Variants in IGF2R observed in about 807,000 individuals in gnomAD.
IGF2R encodes insulin like growth factor 2 receptor.
Under a neutral mutation model 270.6 loss-of-function variants are expected in IGF2R, and 91 were observed. That is an observed-to-expected ratio of 0.34 (90% CI 0.28 to 0.40). The LOEUF (loss-of-function observed/expected upper bound fraction) is 0.40. Among genes scored for constraint, IGF2R ranks in the 10% least tolerant of loss-of-function variants. The probability of loss-of-function intolerance (pLI) is 1.00; values close to 1 mark genes in which losing one functional copy is unlikely to be tolerated. For missense variants in IGF2R, 2,805 were observed against 3,188.3 expected (o/e 0.88, Z 2.90); for synonymous variants, 1,316 against 1,258.9 (o/e 1.05, Z -0.96).
intron 2 of IGF2R, among the ~76,000 whole-genome samples, chr6:160,002,868 A>T (rs1583252172): frequency 1.3e-5 from 2 of 152,302 alleles, no homozygotes; most frequent in African/African-American, 4.8e-5. Context: ...TACCAAATAC[A>T]TTCACATTTT....
chr6:159,969,439 G>A, intron 1 of IGF2R, 44 bp downstream of exon 1: 1 of 1,183,542 alleles, frequency 8.4e-7, no homozygotes, highest in Non-Finnish European at 1.0e-6. Flanking sequence ...CGGTGCCCGG[G>A]GTGAGCGGCC....
chr6:160,057,249 T>C (rs532315219), intron 20 of IGF2R, among the ~76,000 whole-genome samples: 8 of 152,320 alleles, frequency 5.3e-5, no homozygotes, highest in Non-Finnish European at 7.4e-5. Flanking sequence ...TGCCCTCCAC[T>C]TGTTGAGTGC....
Position 160,111,474 on chromosome 6 carries a change from A to G in IGF2R, c.*6390A>G, listed in dbSNP as rs1779737423. ...ACTTTTTCTGTATTTTATTGTAAGA[A>G]TACAGTATATAATACATACAACATC... On this transcript the variant is annotated 3_prime_UTR_variant, in exon 48 of 48. Transcript: ENST00000356956. 6.6e-6 allele frequency: 1 copy of G among 152,258 alleles called. No individual in the cohort carries two copies. The allele number at this position is 152,258 out of a possible 1,614,324, so 9.4% of individuals were successfully genotyped here.
chr6:160,064,620 C>T lies in IGF2R; in HGVS notation c.4017+89C>T, dbSNP rs1778522205. ...TTAGAAAGAATCTGTCCTCAGATCT[C>T]ATCAAATCTCCTGGTTAACTGAGTT... On this transcript the variant is annotated intron_variant, in intron 28 of 47. Coordinates refer to ENST00000356956, the MANE Select transcript of IGF2R (RefSeq NM_000876.4). The T allele has an allele frequency of 1.3e-5, 19 of 1,417,638 alleles. No homozygotes were observed. In the Admixed American group the frequency reaches 1.7e-4, roughly 13 times the overall value. 87.8% of individuals were successfully genotyped at this position (1,417,638 alleles called of 1,614,324 possible). A position where few individuals can be genotyped will look rare whatever the true frequency, so the allele number is the denominator to read the frequency against.
At position 160,102,357 on chromosome 6, in the gene IGF2R, T is replaced by C. The variant is rs2114743754; in HGVS notation, c.6843-162T>C. 6.6e-6 allele frequency among the ~76,000 whole-genome samples: 1 copy of C among 152,300 alleles called. No individual in the cohort carries two copies. The highest frequency in any genetic ancestry group is 1.5e-5 in the Non-Finnish European group (1 of 68,032). On this transcript the variant is annotated intron_variant, in intron 45 of 47. Coordinates refer to ENST00000356956, the MANE Select transcript of IGF2R (RefSeq NM_000876.4). This position sits in a 1 kb window ranked among gnomAD's most constrained non-coding sequence, Gnocchi z 4.5. ...AGGAACTTTTTGCAGCCCTCTTCCA[T>C]GTGGAGTGGGACTTGTGGCCTTGTT...
intron 4 of IGF2R, among the ~76,000 whole-genome samples, chr6:160,023,974 C>T (rs1219835497): frequency 6.6e-6 from 1 of 152,082 alleles, no homozygotes; most frequent in Non-Finnish European, 1.5e-5. Context: ...TGGATGCAAG[C>T]CACAGGAGAA....
intron 2 of IGF2R, among the ~76,000 whole-genome samples, chr6:159,992,324 C>T (rs1296353639): frequency 1.3e-5 from 2 of 152,054 alleles, no homozygotes; most frequent in African/African-American, 2.4e-5. Context: ...ACCCGTCACC[C>T]GAATAGTGTA....
At chr6:160,073,528 C>A in intron 34 of IGF2R, 59 bp downstream of exon 34, 1 of 1,583,790 alleles carries the variant, frequency 6.3e-7, no homozygotes, top group South Asian at 1.2e-5. Flanking sequence ...GCACCCGGGC[C>A]CCTTCGTCAG....
intron 19 of IGF2R, among the ~76,000 whole-genome samples, chr6:160,053,533 A>T (rs182586319): frequency 6.6e-6 from 1 of 152,072 alleles, no homozygotes; most frequent in Admixed American, 6.5e-5. Context: ...GACTGTGTGG[A>T]GTTTGCTCTG....
chr6:160,103,252 T>C (rs1779530117), intron 46 of IGF2R, among the ~76,000 whole-genome samples: 1 of 149,868 alleles, frequency 6.7e-6, no homozygotes, highest in Non-Finnish European at 1.5e-5. Context: ...GTACCAACCA[T>C]GGAGGTTGCA....
At chr6:160,059,616 C>G (rs1778390368) in intron 22 of IGF2R, among the ~76,000 whole-genome samples, 1 of 152,232 alleles carries the variant, frequency 6.6e-6, no homozygotes. Context: ...CACATCATAT[C>G]ACTTCCCAGC....
intron 16 of IGF2R, 101 bp from the exon 17 acceptor site, chr6:160,047,691 T>C: frequency 2.5e-6 from 2 of 788,610 alleles, no homozygotes; most frequent in South Asian, 2.9e-5. Flanking sequence ...TTCTTCACAG[T>C]TTCTCATTGG....
Position 160,000,728 on chromosome 6 carries a change from GTTTTTTT to G in IGF2R, c.290-8263_290-8257del, listed in dbSNP as rs59215791. 1.3e-3 allele frequency among the ~76,000 whole-genome samples: 89 copies of G among 69,962 alleles called. 2 individuals carry two copies. The highest frequency in any genetic ancestry group is 4.6e-3 in the African/African-American group (77 of 16,728). The allele number at this position is 69,962 out of a possible 152,430, so 45.9% of individuals were successfully genotyped here. On this transcript the variant is annotated intron_variant, in intron 2 of 47. Coordinates refer to ENST00000356956, the MANE Select transcript of IGF2R (RefSeq NM_000876.4). ...GGAAGATAATAGTTGGTGTGAGGTT[GTTTTTTT>G]TTTTTTTTTTTTTTTTTTGAGACAG...
chr6:160,045,714 A>G (rs1315075725), intron 13 of IGF2R, 31 bp from the exon 14 acceptor site: 2 of 1,613,080 alleles, frequency 1.2e-6, no homozygotes, highest in African/African-American at 2.7e-5. Context: ...TGAACGGATT[A>G]GTGATCCCCA....
chr6:160,053,859 A>G (rs914276060), intron 19 of IGF2R, among the ~76,000 whole-genome samples: 3 of 152,058 alleles, frequency 2.0e-5, no homozygotes, highest in Admixed American at 6.6e-5. Context: ...CTACAGGTGG[A>G]GTTACCTGTA....
intron 41 of IGF2R, among the ~76,000 whole-genome samples, chr6:160,086,433 A>G (rs2114727290): frequency 6.6e-6 from 1 of 152,240 alleles, no homozygotes; most frequent in East Asian, 1.9e-4. Flanking sequence ...TGGGAGGTAG[A>G]CTTTTTGTTT....
At chr6:160,071,581 T>C (rs2297359) in intron 31 of IGF2R, among the ~76,000 whole-genome samples, 6,838 of 152,276 alleles carry the variant, frequency 0.045, 277 homozygotes, top group African/African-American at 0.098. Context: ...TTTACACATT[T>C]GTGTCTCCCT....
At chr6:160,104,598 C>T (rs1779569941) in intron 47 of IGF2R, 76 bp from the exon 48 acceptor site, 1 of 1,479,394 alleles carries the variant, frequency 6.8e-7, no homozygotes, top group African/African-American at 1.4e-5. Flanking sequence ...AGAGAGCATC[C>T]CTGATGTGGT....
chr6:160,010,851 C>A, intron 4 of IGF2R, 66 bp downstream of exon 4: 1 of 929,818 alleles, frequency 1.1e-6, no homozygotes, highest in Non-Finnish European at 1.7e-6. Flanking sequence ...CTTTCAAATA[C>A]TGATTCTAAC....
Sources: allele counts gnomAD v4.1 joint callset (sites outside exome capture counted in the v4.1 genomes callset), GRCh38; gene constraint gnomAD v4.1.1; non-coding constraint Gnocchi (gnomAD v3.1); transcripts MANE v1.5; gene names NCBI Gene and HGNC (gene_info 2026-07-23, HGNC 2026-07-21).